Variants in AGBL1 observed in about 807,000 individuals in gnomAD.
AGBL1 encodes the protein cytosolic carboxypeptidase 4.
A neutral mutation model predicts 118.9 loss-of-function variants in AGBL1; 130 were observed. The observed-to-expected ratio is 1.09, with a 90% CI of 0.95 to 1.26. AGBL1 has a LOEUF of 1.26. Among genes scored for constraint, AGBL1 ranks in the 50% most tolerant of loss-of-function variants. AGBL1 has a pLI of 0.00. For synonymous variants in AGBL1, 555 were observed against 478.9 expected (o/e 1.16, Z -2.08); for missense variants, 1,584 against 1,298.1 (o/e 1.22, Z -3.38).
intron 18 of AGBL1, among the ~76,000 whole-genome samples, chr15:86,518,733 T>G (rs2083151978): frequency 6.6e-6 from 1 of 151,924 alleles, no homozygotes; most frequent in African/African-American, 2.4e-5. Flanking sequence ...CTAAAAACAT[T>G]CAGTCAGTGC....
intron 17 of AGBL1, among the ~76,000 whole-genome samples, chr15:86,302,402 T>A (rs77464007): frequency 0.011 from 1,674 of 152,222 alleles, 29 homozygotes; most frequent in African/African-American, 0.036. Flanking sequence ...AACTTCTATA[T>A]GCAGAGAAAT....
At chr15:86,758,517 C>G (rs1203141597) in intron 22 of AGBL1, among the ~76,000 whole-genome samples, 1 of 152,108 alleles carries the variant, frequency 6.6e-6, no homozygotes, top group Non-Finnish European at 1.5e-5. Context: ...GAGGCCAAGT[C>G]TGCTTTTGCA....
chr15:86,516,758 G>C (rs571952120), intron 18 of AGBL1, among the ~76,000 whole-genome samples: 1 of 148,648 alleles, frequency 6.7e-6, no homozygotes, highest in Non-Finnish European at 1.5e-5. Flanking sequence ...CCGGGATGGT[G>C]CTCTAGCCTG....
At chr15:86,082,172 A>G (rs1289052171) in intron 1 of AGBL1, among the ~76,000 whole-genome samples, 3 of 152,214 alleles carry the variant, frequency 2.0e-5, no homozygotes, top group Non-Finnish European at 2.9e-5. Flanking sequence ...TTTTTAAAAA[A>G]GAGAACCCAG....
intron 23 of AGBL1, among the ~76,000 whole-genome samples, chr15:86,933,720 G>C (rs768238410): frequency 2.6e-5 from 4 of 152,114 alleles, no homozygotes; most frequent in Non-Finnish European, 5.9e-5. Flanking sequence ...CCCACTTTCC[G>C]TGTATCCGGT....
intron 1 of AGBL1, among the ~76,000 whole-genome samples, chr15:86,092,056 T>C (rs1201380100): frequency 6.6e-6 from 1 of 152,176 alleles, no homozygotes. Context: ...ATAAAAATAG[T>C]TGTCCTTCAT....
At chr15:86,703,021 T>C (rs2086387036) in intron 22 of AGBL1, among the ~76,000 whole-genome samples, 1 of 152,148 alleles carries the variant, frequency 6.6e-6, no homozygotes. Flanking sequence ...TGAGAATACA[T>C]GGCCAGATAT....
chr15:86,182,983 A>ATG (rs1209412827), intron 5 of AGBL1, among the ~76,000 whole-genome samples: 2 of 152,074 alleles, frequency 1.3e-5, no homozygotes, highest in East Asian at 1.9e-4. Flanking sequence ...GCTAATTCTC[A>ATG]TGTGTGTGTG....
At chr15:86,528,170 T>G (rs1364961605) in intron 19 of AGBL1, among the ~76,000 whole-genome samples, 1 of 151,914 alleles carries the variant, frequency 6.6e-6, no homozygotes, top group Non-Finnish European at 1.5e-5. Context: ...AGAAGACGGG[T>G]GATTTCTGCA....
chr15:86,843,911 C>T (rs1362349413), intron 22 of AGBL1, among the ~76,000 whole-genome samples: 2 of 152,152 alleles, frequency 1.3e-5, no homozygotes, highest in Non-Finnish European at 2.9e-5. Context: ...CTCTTAGTCC[C>T]AGCCCAGACA....
At chr15:86,200,241 C>T (rs1279351457) in intron 5 of AGBL1, among the ~76,000 whole-genome samples, 1 of 152,040 alleles carries the variant, frequency 6.6e-6, no homozygotes, top group Non-Finnish European at 1.5e-5. Flanking sequence ...GGTGACAGCA[C>T]ATATACATAA....
At chr15:86,361,883 T>TA (rs55731923) in intron 17 of AGBL1, among the ~76,000 whole-genome samples, 2 of 152,136 alleles carry the variant, frequency 1.3e-5, no homozygotes, top group Non-Finnish European at 2.9e-5. Context: ...TGCATCTTTT[T>TA]AAAAAAATTC....
At chr15:86,356,996 C>A (rs1716023729) in intron 17 of AGBL1, among the ~76,000 whole-genome samples, 1 of 152,172 alleles carries the variant, frequency 6.6e-6, no homozygotes, top group African/African-American at 2.4e-5. Context: ...AACCTTGTTT[C>A]CGGTTTTGTT....
At chr15:86,713,372 T>C (rs2086590115) in intron 22 of AGBL1, among the ~76,000 whole-genome samples, 1 of 152,182 alleles carries the variant, frequency 6.6e-6, no homozygotes, top group Non-Finnish European at 1.5e-5. Flanking sequence ...CAGGGCCTCC[T>C]TACTTTCTAA....
chr15:86,750,651 T>G (rs1010290614), intron 22 of AGBL1, among the ~76,000 whole-genome samples: 1 of 152,078 alleles, frequency 6.6e-6, no homozygotes, highest in African/African-American at 2.4e-5. Flanking sequence ...TTTTTTAATT[T>G]TTTTAAACTT....
chr15:86,163,838 G>A (rs937361238), intron 5 of AGBL1, among the ~76,000 whole-genome samples: 6 of 152,240 alleles, frequency 3.9e-5, no homozygotes, highest in African/African-American at 1.4e-4. Flanking sequence ...AATGTACTGA[G>A]TAGGTGCTAT....
intron 7 of AGBL1, among the ~76,000 whole-genome samples, chr15:86,251,773 C>A (rs2078819334): frequency 1.3e-5 from 2 of 150,988 alleles, no homozygotes. Context: ...CTTATTGGAG[C>A]TTTGCATGAG....
intron 8 of AGBL1, 24 bp from the exon 9 acceptor site, chr15:86,257,940 T>C (rs1447009432): frequency 1.2e-6 from 2 of 1,610,924 alleles, no homozygotes; most frequent in Admixed American, 1.7e-5. Context: ...ACTTCACTTA[T>C]TTCACCTCTT....
chr15:86,184,382 G>A (rs1487720007), intron 5 of AGBL1, among the ~76,000 whole-genome samples: 1 of 150,080 alleles, frequency 6.7e-6, no homozygotes, highest in Non-Finnish European at 1.5e-5. Context: ...AAAGGCTTTT[G>A]ATTTTCCATG....
Sources: allele counts gnomAD v4.1 joint callset (sites outside exome capture counted in the v4.1 genomes callset), GRCh38; gene constraint gnomAD v4.1.1; transcripts MANE v1.5; gene names NCBI Gene and HGNC (gene_info 2026-07-23, HGNC 2026-07-21).